Variants in RUBCN observed in about 807,000 individuals in gnomAD.
RUBCN encodes run domain Beclin-1-interacting and cysteine-rich domain-containing protein.
In RUBCN, 74 loss-of-function variants were observed where a neutral mutation model predicts 113.2. That is an observed-to-expected ratio of 0.65 (90% CI 0.54 to 0.79). The LOEUF (loss-of-function observed/expected upper bound fraction) is 0.79. Among genes scored for constraint, RUBCN ranks in the 30% least tolerant of loss-of-function variants. RUBCN has a pLI of 0.00. For synonymous variants in RUBCN, 480 were observed against 490.0 expected, an observed-to-expected ratio of 0.98 and a Z score of 0.27; for missense variants, 1,109 against 1,251.7, an observed-to-expected ratio of 0.89 and a Z score of 1.72.
chr3:197,707,082 G>A (rs914401553), intron 2 of RUBCN, among the ~76,000 whole-genome samples: 2 of 144,038 alleles, frequency 1.4e-5, no homozygotes, highest in African/African-American at 5.9e-5. Flanking sequence ...GGTGGCTCAC[G>A]CCTGTAATCC....
At chr3:197,742,023 G>A (rs1322479396) in intron 1 of RUBCN, among the ~76,000 whole-genome samples, 1 of 151,544 alleles carries the variant, frequency 6.6e-6, no homozygotes, top group African/African-American at 2.4e-5. Context: ...TCAGCCTCCT[G>A]AGTAGCTAAA....
Position 197,690,196 on chromosome 3 carries a change from T to C in RUBCN, c.1786+3519A>G, listed in dbSNP as rs1203083484. On this transcript the variant is annotated intron_variant, in intron 11 of 19. Coordinates refer to ENST00000296343, the MANE Select transcript of RUBCN (RefSeq NM_014687.4). ...GGCTCACTCCTGTAATTCCAACACG[T>C]TGGGAGGCCGAGGCAGGCAGATGAC... Among the ~76,000 whole-genome samples the C allele has an allele frequency of 2.6e-5, 4 of 152,200 alleles. No individual in the cohort carries two copies. The East Asian group carries it at 5.8e-4, about 22-fold the overall frequency.
chr3:197,736,908 C>G (rs1041284197), upstream of RUBCN: 44 of 1,360,936 alleles, frequency 3.2e-5, no homozygotes, highest in Middle Eastern at 2.7e-4. Context: ...CGGCCACCCC[C>G]ACTTCCGGCT....
intron 5 of RUBCN, among the ~76,000 whole-genome samples, chr3:197,702,686 A>C (rs1266745313): frequency 6.6e-6 from 1 of 152,100 alleles, no homozygotes; most frequent in Non-Finnish European, 1.5e-5. Context: ...TAATAATGAT[A>C]ATAATTAATT....
Position 197,704,679 on chromosome 3 carries a change from T to A in RUBCN, c.326A>T (p.Asp109Val). Residue 109 changes from aspartate to valine, a missense_variant, in exon 4 of 20, where the codon GAC becomes GTC. Around this residue, in one of 3 missense-constraint regions of RUBCN, gnomAD observed 736 missense variants for 779.6 expected, o/e 0.94. Coordinates refer to ENST00000296343, the MANE Select transcript of RUBCN (RefSeq NM_014687.4). ...VEKFISVHEN[D>V]QSSADGASER... ...ACTGGCACCATCAGCACTGCTCTGG[T>A]CGTTCTCGTGCACGCTGATGAACTG... The A allele has an allele frequency of 6.2e-7, 1 of 1,614,066 alleles. No homozygotes were observed. The highest frequency in any genetic ancestry group is 8.5e-7 in the Non-Finnish European group (1 of 1,180,012).
Position 197,674,908 on chromosome 3 carries a change from TA to T in RUBCN, c.*109del, listed in dbSNP as rs372329370. Reference sequence around the variant, plus strand: ...AAAAAAAAAAAAAGATGATGATAATTAAAAAAAAAAAAAAAAAAAGAAGCCC... The same window carrying T: ...AAAAAAAAAAAAAGATGATGATAATTAAAAAAAAAAAAAAAAAAGAAGCCC... On this transcript the variant is annotated 3_prime_UTR_variant, in exon 20 of 20. Transcript: ENST00000296343. 0.26 allele frequency: 156,983 copies of T among 611,098 alleles called. 669 individuals carry two copies. Among genetic ancestry groups the T allele is most frequent in the Middle Eastern group, 0.3 (606 of 2,046 alleles). The allele number at this position is 611,098 out of a possible 1,614,324, so 37.9% of individuals were successfully genotyped here. A position where few individuals can be genotyped will look rare whatever the true frequency, so the allele number is the denominator to read the frequency against.
chr3:197,732,358 G>C (rs1054951145), intron 1 of RUBCN, among the ~76,000 whole-genome samples: 1 of 152,240 alleles, frequency 6.6e-6, no homozygotes, highest in Non-Finnish European at 1.5e-5. Flanking sequence ...CTGTCTCCCA[G>C]GCTGGAGTGC....
intron 1 of RUBCN, among the ~76,000 whole-genome samples, chr3:197,724,370 G>C (rs888578995): frequency 6.7e-6 from 1 of 149,112 alleles, no homozygotes; most frequent in Non-Finnish European, 1.5e-5. Flanking sequence ...CTAAAAACAT[G>C]ACATGTGAGT....
chr3:197,717,454 A>AGG lies in RUBCN; in HGVS notation c.219+521_219+522dup, dbSNP rs890181275. Among the ~76,000 whole-genome samples the AGG allele has an allele frequency of 2.3e-4, 34 of 149,038 alleles. 1 individual carries two copies. Among genetic ancestry groups the AGG allele is most frequent in the African/African-American group, 8.4e-4 (34 of 40,238 alleles). On this transcript the variant is annotated intron_variant, in intron 2 of 19. Coordinates refer to ENST00000296343, the MANE Select transcript of RUBCN (RefSeq NM_014687.4). The stretch of plus-strand genomic sequence containing the variant: ...GCGAGACTCCGTCTCAAAAAAAAAA[A>AGG]GGGGGGGGCAGAGAGAGATTTGAAG...
At chr3:197,737,611 G>A (rs1281550638), upstream of RUBCN, among the ~76,000 whole-genome samples, 1 of 152,024 alleles carries the variant, frequency 6.6e-6, no homozygotes, top group African/African-American at 2.4e-5. Context: ...GGGGAAACCA[G>A]ATCATGAAAT....
chr3:197,704,608 G>A lies in RUBCN; in HGVS notation c.397C>T (p.His133Tyr), dbSNP rs201876836. 889 of 1,614,130 alleles carry A rather than the reference G, an allele frequency of 5.5e-4. 1 individual carries two copies. The highest frequency in any genetic ancestry group is 7.0e-4 in the Non-Finnish European group (829 of 1,179,968). The change falls in exon 4 of 20, where the codon CAC becomes TAC. Residue 133 changes from histidine (H) to tyrosine (Y), a missense_variant. His to Tyr is a moderately conservative substitution (Grantham distance 83). This residue lies in a region of RUBCN where 736 missense variants were observed against 779.6 expected (regional missense o/e 0.94). Transcript: ENST00000296343. ...GGCCGGAGCTGGGCTGAGAGGCAGT[G>A]GTACTGCAGGCTGTGCTGCAGCCAC... ...ELWLQHSLQY[H>Y]CLSAQLRPLL... is the part of the protein sequence containing the mutation.
At chr3:197,728,455 C>G (rs1482055826) in intron 1 of RUBCN, among the ~76,000 whole-genome samples, 2 of 152,106 alleles carry the variant, frequency 1.3e-5, no homozygotes, top group African/African-American at 2.4e-5. Flanking sequence ...CTAGAATAAT[C>G]AAACAGGGAC....
At chr3:197,720,034 C>CT (rs775172762) in intron 1 of RUBCN, among the ~76,000 whole-genome samples, 2 of 152,188 alleles carry the variant, frequency 1.3e-5, no homozygotes, top group South Asian at 2.1e-4. Flanking sequence ...TTCTGTCTAA[C>CT]TGTCTGTCCC....
At position 197,701,872 on chromosome 3, in the gene RUBCN, G is replaced by C. The variant is rs1723720895; in HGVS notation, c.571-8C>G. 2 of 1,613,842 alleles carry C rather than the reference G, an allele frequency of 1.2e-6. No individual in the cohort carries two copies. The highest frequency in any genetic ancestry group is 1.7e-6 in the Non-Finnish European group (2 of 1,179,910). On this transcript the variant is annotated splice_region_variant and splice_polypyrimidine_tract_variant and intron_variant, in intron 5 of 19. Transcript: ENST00000296343. ...CTCGTGCTTTCTGGCAAACTAAAAA[G>C]CAAAACAAAACCAAAAAATGTGTCA...
At chr3:197,718,624 A>C (rs1725806129) in intron 1 of RUBCN, among the ~76,000 whole-genome samples, 3 of 151,870 alleles carry the variant, frequency 2.0e-5, no homozygotes, top group African/African-American at 7.3e-5. Context: ...ATAATTTTTA[A>C]ATTTTTTGTA....
intron 13 of RUBCN, among the ~76,000 whole-genome samples, chr3:197,682,910 C>CT (rs1721414463): frequency 6.6e-6 from 1 of 152,198 alleles, no homozygotes; most frequent in Non-Finnish European, 1.5e-5. Flanking sequence ...CAGAAACAGC[C>CT]TACCAGGGCA....
rs1720037566 is a variant in RUBCN, at chr3:197,673,862, A to G, written c.*1156T>C. The G allele has an allele frequency of 6.6e-6, 1 of 152,234 alleles. No homozygotes were observed. Among genetic ancestry groups the G allele is most frequent in the African/African-American group, 2.4e-5 (1 of 41,450 alleles). 9.4% of individuals were successfully genotyped at this position (152,234 alleles called of 1,614,324 possible). A position where few individuals can be genotyped will look rare whatever the true frequency, so the allele number is the denominator to read the frequency against. The stretch of plus-strand genomic sequence containing the variant: ...ATCCCAAGAACACAGGGACATTCAC[A>G]CTCACATCCACAAACCGTCAAGTTC... On this transcript the variant is annotated 3_prime_UTR_variant, in exon 20 of 20. Coordinates refer to ENST00000296343, the MANE Select transcript of RUBCN (RefSeq NM_014687.4).
chr3:197,718,058 G>A lies in RUBCN; in HGVS notation c.138C>T (p.Asn46=), dbSNP rs747431544. Residue 46 remains asparagine, a synonymous_variant, in exon 2 of 20, where the codon AAC becomes AAT. Coordinates refer to ENST00000296343, the MANE Select transcript of RUBCN (RefSeq NM_014687.4). ...VEGLVSTNSP[N]VWSKYGGLER... is the part of the protein sequence containing the mutation. ...CCAAGCCACCATACTTAGACCAGACGTTGGGGCTGTTGGTTGATACCAAAC... is the reference window on the plus strand; with the variant it reads ...CCAAGCCACCATACTTAGACCAGACATTGGGGCTGTTGGTTGATACCAAAC... 16 of 1,614,060 alleles carry A rather than the reference G, an allele frequency of 9.9e-6. No homozygotes were observed. The highest frequency in any genetic ancestry group is 1.6e-4 in the Middle Eastern group (1 of 6,078).
intron 18 of RUBCN, chr3:197,676,626 T>C (rs74994638): frequency 0.015 from 20,315 of 1,354,366 alleles, 188 homozygotes; most frequent in Non-Finnish European, 0.017. Flanking sequence ...ACTTCTTGAG[T>C]GAAAGTCTAC....
Sources: allele counts gnomAD v4.1 joint callset (sites outside exome capture counted in the v4.1 genomes callset), GRCh38; gene constraint gnomAD v4.1.1; regional missense constraint gnomAD v4.1.1; transcripts MANE v1.5; gene names NCBI Gene and HGNC (gene_info 2026-07-23, HGNC 2026-07-21).